TMEFF2: variants seen among roughly 807,000 people sequenced by gnomAD.
The protein encoded by TMEFF2 is transmembrane protein with EGF like and two follistatin like domains 2, also known as tomoregulin-2.
A neutral mutation model predicts 53.8 loss-of-function variants in TMEFF2; 28 were observed. The observed-to-expected ratio is 0.52, with a 90% CI of 0.39 to 0.71. TMEFF2 has a LOEUF of 0.71. Among genes scored for constraint, TMEFF2 ranks in the 30% least tolerant of loss-of-function variants. TMEFF2 has a pLI of 0.00. For missense variants in TMEFF2, 353 were observed against 455.2 expected (o/e 0.78, Z 2.04); for synonymous variants, 162 against 166.3 (o/e 0.97, Z 0.20).
chr2:192,063,139 A>C (rs1006241346), intron 4 of TMEFF2, among the ~76,000 whole-genome samples: 11 of 151,972 alleles, frequency 7.2e-5, no homozygotes, highest in African/African-American at 2.7e-4. Flanking sequence ...GGAAGTAGAA[A>C]TGCTTGACTT....
chr2:192,075,696 C>A (rs1436584297), intron 4 of TMEFF2, among the ~76,000 whole-genome samples: 3 of 151,834 alleles, frequency 2.0e-5, no homozygotes, highest in Non-Finnish European at 2.9e-5. Context: ...AAGCCTTCAG[C>A]CTCTGCAGCT....
intron 4 of TMEFF2, among the ~76,000 whole-genome samples, chr2:192,060,967 A>C (rs1688030066): frequency 6.6e-6 from 1 of 152,134 alleles, no homozygotes; most frequent in Admixed American, 6.6e-5. Context: ...CTGCCATTAA[A>C]ATGTATTTAA....
chr2:192,023,391 G>A (rs968926509), intron 5 of TMEFF2, among the ~76,000 whole-genome samples: 8 of 152,038 alleles, frequency 5.3e-5, no homozygotes, highest in Non-Finnish European at 1.0e-4. Flanking sequence ...CTAATTATAC[G>A]CTAGGAACTG....
intron 3 of TMEFF2, among the ~76,000 whole-genome samples, chr2:192,181,575 G>A (rs556596497): frequency 3.3e-5 from 5 of 151,778 alleles, no homozygotes; most frequent in African/African-American, 1.2e-4. Flanking sequence ...ATATCTAACC[G>A]ATTGGGCTAT....
chr2:192,051,752 C>G (rs1687779288), intron 5 of TMEFF2, among the ~76,000 whole-genome samples: 1 of 152,130 alleles, frequency 6.6e-6, no homozygotes, highest in East Asian at 1.9e-4. Context: ...ACACAATCTT[C>G]CTAATGACAG....
chr2:192,129,179 G>T lies in TMEFF2; in HGVS notation c.439+50489C>A, dbSNP rs74327588. 1.7e-3 allele frequency among the ~76,000 whole-genome samples: 264 copies of T among 152,260 alleles called. 1 individual carries two copies. The highest frequency in any genetic ancestry group is 3.5e-3 in the South Asian group (17 of 4,820). Reference sequence around the variant, plus strand: ...AATGACTAGGAATCCTGGGATCCTCGTGCAAATCTTCGAATTGGTTCCCTG... The same window carrying T: ...AATGACTAGGAATCCTGGGATCCTCTTGCAAATCTTCGAATTGGTTCCCTG... On this transcript the variant is annotated intron_variant, in intron 4 of 9. Coordinates refer to ENST00000272771, the MANE Select transcript of TMEFF2 (RefSeq NM_016192.4).
chr2:192,140,328 G>C (rs929223744), intron 4 of TMEFF2, among the ~76,000 whole-genome samples: 1 of 152,156 alleles, frequency 6.6e-6, no homozygotes, highest in Non-Finnish European at 1.5e-5. Context: ...ATGGTGCCTG[G>C]CAGATACAGG....
At chr2:192,103,147 C>T (rs1689071815) in intron 4 of TMEFF2, among the ~76,000 whole-genome samples, 1 of 152,128 alleles carries the variant, frequency 6.6e-6, no homozygotes. Flanking sequence ...AGTGTTTCAT[C>T]GAACGTGGTA....
rs896952355 is a variant in TMEFF2, at chr2:191,949,998, G to A, written c.*313C>T. ...ATTATATTTACAGTTATGAGATACCGCAAATTTAAGAATGCCAATTTTTTC... is the reference window on the plus strand; with the variant it reads ...ATTATATTTACAGTTATGAGATACCACAAATTTAAGAATGCCAATTTTTTC... On this transcript the variant is annotated 3_prime_UTR_variant, in exon 10 of 10. Transcript: ENST00000272771. The A allele has an allele frequency of 4.5e-5, 50 of 1,105,142 alleles. No homozygotes were observed. The highest frequency in any genetic ancestry group is 4.1e-4 in the Middle Eastern group (1 of 2,450). 68.5% of individuals were successfully genotyped at this position (1,105,142 alleles called of 1,614,324 possible). A position where few individuals can be genotyped will look rare whatever the true frequency, so the allele number is the denominator to read the frequency against.
chr2:191,990,591 C>CA (rs1486616636), intron 7 of TMEFF2, among the ~76,000 whole-genome samples: 2 of 152,074 alleles, frequency 1.3e-5, no homozygotes, highest in East Asian at 3.8e-4. Context: ...ATTGAAATAA[C>CA]ATATACTTGA....
At chr2:192,019,771 G>A (rs186913257) in intron 5 of TMEFF2, among the ~76,000 whole-genome samples, 8 of 152,004 alleles carry the variant, frequency 5.3e-5, no homozygotes, top group East Asian at 1.9e-4. Context: ...TAGGACAGGC[G>A]CGGTTAATCA....
intron 4 of TMEFF2, among the ~76,000 whole-genome samples, chr2:192,135,036 T>G (rs1439435594): frequency 6.6e-6 from 1 of 152,212 alleles, no homozygotes; most frequent in East Asian, 1.9e-4. Context: ...TAAGCTCCTG[T>G]ATAGATGCTC....
At chr2:192,181,672 C>T (rs1036943277) in intron 3 of TMEFF2, among the ~76,000 whole-genome samples, 2 of 151,694 alleles carry the variant, frequency 1.3e-5, no homozygotes, top group African/African-American at 4.8e-5. Context: ...AACATCTTGC[C>T]TATTCATCTA....
At position 192,145,190 on chromosome 2, in the gene TMEFF2, A is replaced by C. The variant is rs114900369; in HGVS notation, c.439+34478T>G. Among the ~76,000 whole-genome samples, 1,356 of 152,086 alleles carry C rather than the reference A, an allele frequency of 8.9e-3. 10 individuals carry two copies. The highest frequency in any genetic ancestry group is 0.015 in the Non-Finnish European group (995 of 67,886). ...CTTATTAACTTTATTAAGTACAAGA[A>C]ATTTGATCTTGATTCCTTTGAAAAG... is the stretch of plus-strand genomic sequence containing the variant. On this transcript the variant is annotated intron_variant, in intron 4 of 9. Coordinates refer to ENST00000272771, the MANE Select transcript of TMEFF2 (RefSeq NM_016192.4).
intron 4 of TMEFF2, among the ~76,000 whole-genome samples, chr2:192,140,595 A>G (rs959388217): frequency 6.6e-6 from 1 of 152,092 alleles, no homozygotes; most frequent in African/African-American, 2.4e-5. Flanking sequence ...AAAAAACACA[A>G]CGTGGGGGTG....
intron 4 of TMEFF2, among the ~76,000 whole-genome samples, chr2:192,084,595 A>G (rs1688624543): frequency 6.6e-6 from 1 of 152,212 alleles, no homozygotes; most frequent in Admixed American, 6.5e-5. Flanking sequence ...CTACCTCTTC[A>G]CTATAATTTC....
intron 5 of TMEFF2, among the ~76,000 whole-genome samples, chr2:192,001,612 G>GC (rs939044241): frequency 1.3e-5 from 2 of 152,132 alleles, no homozygotes; most frequent in Non-Finnish European, 2.9e-5. Flanking sequence ...TGTTGTGGGA[G>GC]CGACCTGGTG....
chr2:191,997,738 AACT>A (rs1200843721), intron 7 of TMEFF2, among the ~76,000 whole-genome samples: 1 of 144,890 alleles, frequency 6.9e-6, no homozygotes. Flanking sequence ...ATGTCTGAGA[AACT>A]ACATTTTAGT....
chr2:192,168,994 T>TA (rs989982326), intron 4 of TMEFF2, among the ~76,000 whole-genome samples: 9 of 152,006 alleles, frequency 5.9e-5, no homozygotes, highest in African/African-American at 2.2e-4. Flanking sequence ...GCTGGGACTA[T>TA]AAGCACATGC....
Sources: gnomAD v4.1 joint callset for allele counts (sites outside exome capture counted in the v4.1 genomes callset) on GRCh38, gnomAD v4.1.1 for gene constraint, MANE v1.5 for transcripts, NCBI Gene and HGNC (gene_info 2026-07-23, HGNC 2026-07-21) for gene names.